INPP4B: variants seen among roughly 807,000 people sequenced by gnomAD.
INPP4B encodes the protein inositol polyphosphate 4-phosphatase type II.
A neutral mutation model predicts 122.5 loss-of-function variants in INPP4B; 55 were observed. That is an observed-to-expected ratio of 0.45 (90% confidence interval 0.36 to 0.56). The LOEUF is 0.56. Ranked by LOEUF, INPP4B falls within the 20% of genes least tolerant of loss-of-function variation. INPP4B has a pLI of 0.00. For synonymous variants in INPP4B, 403 were observed against 388.7 expected, an observed-to-expected ratio of 1.04 and a Z score of -0.43; for missense variants, 1,000 against 1,097.7, an observed-to-expected ratio of 0.91 and a Z score of 1.26.
rs556632978 is a variant in INPP4B at position 142,843,434 on chromosome 4, G to T, written c.-254+2775C>A. ...CTTAAGGCTTTAGAAAGATATACAG[G>T]ACATGTTGAAAAACTAAGGTACATA... On this transcript the variant is annotated intron_variant, in intron 1 of 25. Coordinates refer to ENST00000262992, the MANE Select transcript of INPP4B (RefSeq NM_001101669.3). 9.4e-4 allele frequency among the ~76,000 whole-genome samples: 143 copies of T among 151,896 alleles called. 1 individual carries two copies. Among genetic ancestry groups the T allele is most frequent in the African/African-American group, 3.4e-3 (142 of 41,504 alleles).
At chr4:142,565,612 G>A (rs1401466880) in intron 2 of INPP4B, among the ~76,000 whole-genome samples, 1 of 152,108 alleles carries the variant, frequency 6.6e-6, no homozygotes, top group Non-Finnish European at 1.5e-5. Flanking sequence ...GTTGTTTCAG[G>A]CAAGAATCAT....
intron 2 of INPP4B, among the ~76,000 whole-genome samples, chr4:142,537,400 GTATATATATATATATATA>G (rs34425745): frequency 3.0e-5 from 1 of 32,984 alleles, no homozygotes; most frequent in Non-Finnish European, 7.2e-5. Flanking sequence ...TTTACATACA[GTATATATATATATATATA>G]TATATATATA....
chr4:142,486,599 G>A (rs910403262), intron 2 of INPP4B, among the ~76,000 whole-genome samples: 5 of 152,040 alleles, frequency 3.3e-5, no homozygotes, highest in Non-Finnish European at 2.9e-5. Context: ...TCAAAAATCA[G>A]AAGTTTTTTA....
chr4:142,792,634 C>T (rs770384206), intron 1 of INPP4B, among the ~76,000 whole-genome samples: 19 of 151,986 alleles, frequency 1.3e-4, no homozygotes, highest in Admixed American at 7.2e-4. Flanking sequence ...TGACATATCC[C>T]TTGGCCATAT....
chr4:142,451,500 C>T (rs1814213740), intron 3 of INPP4B, among the ~76,000 whole-genome samples: 1 of 152,090 alleles, frequency 6.6e-6, no homozygotes. Flanking sequence ...ATCTGCCTGC[C>T]TCAGCCTCCC....
chr4:142,205,014 C>A (rs1389279663), intron 14 of INPP4B, among the ~76,000 whole-genome samples: 2 of 151,922 alleles, frequency 1.3e-5, no homozygotes, highest in African/African-American at 4.8e-5. Flanking sequence ...ACACACACAC[C>A]CCTTTTGTTG....
chr4:142,564,439 CA>C (rs199803105), intron 2 of INPP4B, among the ~76,000 whole-genome samples: 1,301 of 97,918 alleles, frequency 0.013, 14 homozygotes, highest in Middle Eastern at 0.041. Context: ...TAAGGAATGG[CA>C]AAAAAAAAAA....
At chr4:142,117,649 G>A (rs1430536300) in intron 21 of INPP4B, among the ~76,000 whole-genome samples, 3 of 152,030 alleles carry the variant, frequency 2.0e-5, no homozygotes, top group Non-Finnish European at 4.4e-5. Flanking sequence ...ATTAGGTATC[G>A]ATGGGACGTA....
intron 3 of INPP4B, among the ~76,000 whole-genome samples, chr4:142,443,109 C>A (rs1812174526): frequency 6.6e-6 from 1 of 152,136 alleles, no homozygotes; most frequent in Non-Finnish European, 1.5e-5. Flanking sequence ...GGTAGGGATA[C>A]AACCAAACCA....
chr4:142,451,412 G>A (rs1000217765), intron 3 of INPP4B, among the ~76,000 whole-genome samples: 2 of 151,836 alleles, frequency 1.3e-5, no homozygotes, highest in Admixed American at 6.6e-5. Context: ...ACCACGCCTG[G>A]CTAATTTTTT....
chr4:142,286,813 G>C (rs556777748), intron 9 of INPP4B: 28 of 152,246 alleles, frequency 1.8e-4, no homozygotes, highest in African/African-American at 6.0e-4. Context: ...AATATAAAGT[G>C]GTGGTCACTT....
rs1347827430 is a variant in INPP4B at position 142,023,160 on chromosome 4, TA to T, written c.*5621del. The T allele has an allele frequency of 6.6e-6, 1 of 151,978 alleles. No homozygotes were observed. Among genetic ancestry groups the T allele is most frequent in the East Asian group, 1.9e-4 (1 of 5,184 alleles). The allele number at this position is 151,978 out of a possible 1,614,324, so 9.4% of individuals were successfully genotyped here. On this transcript the variant is annotated 3_prime_UTR_variant, in exon 26 of 26. Transcript: ENST00000262992. The stretch of plus-strand genomic sequence containing the variant: ...TAATGGGGAGAAAAAGACAGAAACA[TA>T]AAAAATAAAAATCATTTATTTAAAC...
rs1194924387 is a variant in INPP4B at position 142,508,073 on chromosome 4, G to T, written c.-190-45347C>A. On this transcript the variant is annotated intron_variant, in intron 2 of 25. Coordinates refer to ENST00000262992, the MANE Select transcript of INPP4B (RefSeq NM_001101669.3). ...TGAGATATAGATCTTCTTTCAGTCT[G>T]TTGCCAGTTTTACAACCAAGGAACA... 2.6e-5 allele frequency among the ~76,000 whole-genome samples: 4 copies of T among 152,038 alleles called. No homozygotes were observed. The East Asian group carries it at 5.8e-4, about 22-fold the overall frequency.
chr4:142,442,728 TC>T (rs1255669769), intron 3 of INPP4B, among the ~76,000 whole-genome samples: 3 of 152,172 alleles, frequency 2.0e-5, no homozygotes, highest in Non-Finnish European at 4.4e-5. Context: ...TTTACATGTC[TC>T]CATGGAGCAG....
intron 2 of INPP4B, among the ~76,000 whole-genome samples, chr4:142,676,727 A>C (rs532644586): frequency 6.6e-6 from 1 of 152,284 alleles, no homozygotes; most frequent in African/African-American, 2.4e-5. Flanking sequence ...ACTGACAAAA[A>C]CAAGCAGTGG....
chr4:142,095,031 C>T (rs1781231530), intron 23 of INPP4B, among the ~76,000 whole-genome samples: 1 of 152,136 alleles, frequency 6.6e-6, no homozygotes, highest in Non-Finnish European at 1.5e-5. Flanking sequence ...CTGGGACACT[C>T]ATATATTTAC....
chr4:142,435,942 C>T (rs907265931), intron 3 of INPP4B, among the ~76,000 whole-genome samples: 3 of 152,092 alleles, frequency 2.0e-5, no homozygotes, highest in East Asian at 3.9e-4. Flanking sequence ...CTGTCTAAAC[C>T]TTATGAGCTC....
intron 16 of INPP4B, among the ~76,000 whole-genome samples, chr4:142,161,076 TCTC>T (rs1819866358): frequency 6.6e-6 from 1 of 151,936 alleles, no homozygotes; most frequent in African/African-American, 2.4e-5. Context: ...CATAAACAGA[TCTC>T]AACAATAGTA....
At chr4:142,621,316 T>C (rs1414036909) in intron 2 of INPP4B, among the ~76,000 whole-genome samples, 1 of 151,928 alleles carries the variant, frequency 6.6e-6, no homozygotes, top group Non-Finnish European at 1.5e-5. Context: ...GATGTAGATC[T>C]ACTAAAAGAT....
Sources: gnomAD v4.1 joint callset for allele counts (sites outside exome capture counted in the v4.1 genomes callset) on GRCh38, gnomAD v4.1.1 for gene constraint, MANE v1.5 for transcripts, NCBI Gene and HGNC (gene_info 2026-07-23, HGNC 2026-07-21) for gene names.